Variants in CDK14 observed in about 807,000 individuals in gnomAD.
CDK14 encodes cyclin-dependent kinase 14.
In CDK14, 34 loss-of-function variants were observed where a neutral mutation model predicts 60.7. The observed-to-expected ratio is 0.56, with a 90% confidence interval of 0.43 to 0.75. The LOEUF (loss-of-function observed/expected upper bound fraction) is 0.75, where lower values mean the gene tolerates loss of function less well. Ranked by LOEUF, CDK14 falls within the 30% of genes least tolerant of loss-of-function variation. The pLI is 0.00. For synonymous variants in CDK14, 197 were observed against 203.7 expected (o/e 0.97, Z 0.28); for missense variants, 482 against 564.1 (o/e 0.85, Z 1.47).
chr7:90,709,281 G>T (rs1278880109), intron 2 of CDK14: 4 of 554,516 alleles, frequency 7.2e-6, no homozygotes, highest in Non-Finnish European at 5.7e-6. Flanking sequence ...ATGCATGATG[G>T]TGGCTGAAAC....
At chr7:91,103,722 G>T (rs28570000) in intron 12 of CDK14, among the ~76,000 whole-genome samples, 2,818 of 152,196 alleles carry the variant, frequency 0.019, 98 homozygotes, top group African/African-American at 0.064. Flanking sequence ...AACCTGTACA[G>T]GGAATAAGGA....
chr7:90,682,271 G>T (rs994991400), intron 2 of CDK14, among the ~76,000 whole-genome samples: 2 of 152,018 alleles, frequency 1.3e-5, no homozygotes, highest in Non-Finnish European at 2.9e-5. Flanking sequence ...AAAAAGACTT[G>T]ACCTGTTTGT....
intron 10 of CDK14, among the ~76,000 whole-genome samples, chr7:91,025,581 G>A (rs1012577566): frequency 6.6e-6 from 1 of 152,142 alleles, no homozygotes. Context: ...ATTATAGGTG[G>A]CCTTGATCAT....
intron 10 of CDK14, among the ~76,000 whole-genome samples, chr7:90,999,907 A>C (rs577030252): frequency 2.6e-5 from 4 of 152,328 alleles, no homozygotes; most frequent in African/African-American, 9.6e-5. Flanking sequence ...TTAGTAGTAT[A>C]ACTGTTCTGT....
At chr7:91,137,712 GTGTA>G (rs879593025) in intron 14 of CDK14, among the ~76,000 whole-genome samples, 8,566 of 141,748 alleles carry the variant, frequency 0.06, 331 homozygotes, top group Admixed American at 0.14. Context: ...GTGTGTGTGT[GTGTA>G]TGTGTGTGTG....
At chr7:91,188,266 C>T (rs1254166112) in intron 14 of CDK14, among the ~76,000 whole-genome samples, 1 of 152,018 alleles carries the variant, frequency 6.6e-6, no homozygotes, top group African/African-American at 2.4e-5. Context: ...TTTAAACATT[C>T]CTCAGATATG....
At chr7:90,678,595 A>G (rs922349088) in intron 2 of CDK14, among the ~76,000 whole-genome samples, 2 of 152,194 alleles carry the variant, frequency 1.3e-5, no homozygotes, top group Non-Finnish European at 2.9e-5. Flanking sequence ...GGTTAAGGGT[A>G]ACTTGTTATT....
intron 2 of CDK14, among the ~76,000 whole-genome samples, chr7:90,642,719 A>G (rs770939255): frequency 6.6e-6 from 1 of 152,060 alleles, no homozygotes; most frequent in Non-Finnish European, 1.5e-5. Flanking sequence ...AGGTATTGCC[A>G]TGTTACTTTC....
At position 90,863,276 on chromosome 7, in the gene CDK14, A is replaced by C. The variant is rs774992550; in HGVS notation, c.639+7A>C. The stretch of plus-strand genomic sequence containing the variant: ...ACTTGTGTTTGAATATGTGGTAAGT[A>C]AAATAAGACTTTTAAATTTAGACAT... On this transcript the variant is annotated splice_region_variant and intron_variant, in intron 6 of 14. Transcript: ENST00000380050. 2.7e-5 allele frequency: 40 copies of C among 1,469,646 alleles called. No homozygotes were observed. The highest frequency in any genetic ancestry group is 3.4e-5 in the Non-Finnish European group (36 of 1,058,856). 91.0% of individuals were successfully genotyped at this position (1,469,646 alleles called of 1,614,324 possible). A position where few individuals can be genotyped will look rare whatever the true frequency, so the allele number is the denominator to read the frequency against.
At chr7:90,936,986 G>A (rs962004692) in intron 8 of CDK14, among the ~76,000 whole-genome samples, 14 of 152,060 alleles carry the variant, frequency 9.2e-5, no homozygotes, top group African/African-American at 3.4e-4. Flanking sequence ...GGCTGAGGCA[G>A]GAGGATCACT....
chr7:90,784,776 T>A (rs1401335052), intron 4 of CDK14, among the ~76,000 whole-genome samples: 1 of 152,200 alleles, frequency 6.6e-6, no homozygotes, highest in Non-Finnish European at 1.5e-5. Context: ...TATTCACACC[T>A]GAATCAGAAT....
At chr7:91,103,655 A>T (rs1433834792) in intron 12 of CDK14, among the ~76,000 whole-genome samples, 16 of 152,186 alleles carry the variant, frequency 1.1e-4, no homozygotes, top group South Asian at 2.1e-4. Context: ...CATTAGAGCT[A>T]GGACAACTCT....
chr7:91,143,076 A>G (rs1159669760), intron 14 of CDK14, among the ~76,000 whole-genome samples: 2 of 152,226 alleles, frequency 1.3e-5, no homozygotes, highest in African/African-American at 4.8e-5. Flanking sequence ...CAGACCTCAT[A>G]AAGTTCAGGG....
intron 8 of CDK14, among the ~76,000 whole-genome samples, chr7:90,936,691 A>G (rs1793765281): frequency 6.6e-6 from 1 of 152,182 alleles, no homozygotes; most frequent in African/African-American, 2.4e-5. Context: ...CAGGAAGAGA[A>G]TACTCTCCAT....
intron 5 of CDK14, among the ~76,000 whole-genome samples, chr7:90,856,243 C>A (rs537570769): frequency 1.3e-5 from 2 of 152,254 alleles, no homozygotes; most frequent in South Asian, 4.1e-4. Context: ...TTTATTTTAA[C>A]CTTACGTTTA....
At chr7:90,811,163 A>G (rs555759134) in intron 5 of CDK14, among the ~76,000 whole-genome samples, 1 of 152,346 alleles carries the variant, frequency 6.6e-6, no homozygotes, top group African/African-American at 2.4e-5. Context: ...TGCCAAGTCA[A>G]TCCTAAGACA....
intron 5 of CDK14, among the ~76,000 whole-genome samples, chr7:90,799,654 C>T (rs112680408): frequency 1.3e-3 from 165 of 127,076 alleles, no homozygotes; most frequent in African/African-American, 4.5e-3. Flanking sequence ...CGCGCCACTG[C>T]GCTCCAGCCT....
At chr7:90,863,415 A>G (rs1302636229) in intron 6 of CDK14, 146 bp downstream of exon 6, 4 of 495,988 alleles carry the variant, frequency 8.1e-6, no homozygotes, top group Middle Eastern at 5.3e-4. Flanking sequence ...GTATAAAATA[A>G]AGGCCCTATA....
At chr7:90,898,861 A>G (rs1263757439) in intron 6 of CDK14, among the ~76,000 whole-genome samples, 1 of 151,998 alleles carries the variant, frequency 6.6e-6, no homozygotes, top group Non-Finnish European at 1.5e-5. Flanking sequence ...GATTAATTTT[A>G]CTAGTAGAAT....
Sources: allele counts gnomAD v4.1 joint callset (sites outside exome capture counted in the v4.1 genomes callset), GRCh38; gene constraint gnomAD v4.1.1; transcripts MANE v1.5; gene names NCBI Gene and HGNC (gene_info 2026-07-23, HGNC 2026-07-21).